OSBPL6: variants seen among roughly 807,000 people sequenced by gnomAD.
OSBPL6 encodes the protein oxysterol binding protein like 6.
Under a neutral mutation model 125.8 loss-of-function variants are expected in OSBPL6, and 49 were observed. The observed-to-expected ratio is 0.39, with a 90% CI of 0.31 to 0.49. The LOEUF is 0.49. OSBPL6 is among the 20% of genes least tolerant of loss of function. The probability of loss-of-function intolerance (pLI) is 0.88; values close to 1 mark genes in which losing one functional copy is unlikely to be tolerated. For synonymous variants in OSBPL6, 394 were observed against 391.8 expected (o/e 1.01, Z -0.07); for missense variants, 986 against 1,135.4 (o/e 0.87, Z 1.89).
intron 9 of OSBPL6, among the ~76,000 whole-genome samples, chr2:178,338,213 A>G (rs1392904222): frequency 1.3e-5 from 2 of 152,110 alleles, no homozygotes; most frequent in African/African-American, 4.8e-5. Flanking sequence ...GATTACAGGC[A>G]TGAGCCACCG....
intron 3 of OSBPL6, among the ~76,000 whole-genome samples, chr2:178,306,539 T>C (rs1413947612): frequency 6.6e-6 from 1 of 152,156 alleles, no homozygotes; most frequent in Non-Finnish European, 1.5e-5. Flanking sequence ...CTGCCGTCTT[T>C]TCCTCCCTGC....
At chr2:178,248,105 A>G (rs1559159516) in intron 1 of OSBPL6, among the ~76,000 whole-genome samples, 1 of 152,224 alleles carries the variant, frequency 6.6e-6, no homozygotes, top group Non-Finnish European at 1.5e-5. Flanking sequence ...TTGTAGATAC[A>G]AAACGAAGAT....
intron 15 of OSBPL6, among the ~76,000 whole-genome samples, chr2:178,380,455 T>C (rs1320785311): frequency 5.7e-4 from 11 of 19,456 alleles, no homozygotes; most frequent in African/African-American, 2.0e-3. Flanking sequence ...AGAGTCTGTC[T>C]CAAAAAAAAA....
intron 1 of OSBPL6, among the ~76,000 whole-genome samples, chr2:178,197,774 G>T (rs1199209035): frequency 6.6e-6 from 1 of 151,796 alleles, no homozygotes; most frequent in Non-Finnish European, 1.5e-5. Context: ...GGTAGATATT[G>T]TATTAAAAAA....
At chr2:178,361,853 C>T (rs1288960355) in intron 13 of OSBPL6, 38 bp downstream of exon 13, 1 of 1,609,334 alleles carries the variant, frequency 6.2e-7, no homozygotes, top group Non-Finnish European at 8.5e-7. Flanking sequence ...ACATGACACA[C>T]TCCCAACCCT....
intron 6 of OSBPL6, among the ~76,000 whole-genome samples, 166 bp downstream of exon 6, chr2:178,331,771 C>T (rs1055000003): frequency 1.3e-5 from 2 of 152,112 alleles, no homozygotes; most frequent in African/African-American, 4.8e-5. Flanking sequence ...AGTGTGTCAA[C>T]CTAGTGCATG....
intron 18 of OSBPL6, 71 bp from the exon 19 acceptor site, chr2:178,385,387 A>G (rs1156995646): frequency 2.8e-6 from 3 of 1,070,728 alleles, no homozygotes; most frequent in Non-Finnish European, 4.2e-6. Context: ...AGAATAATTC[A>G]GTAAGAGAAA....
At chr2:178,210,823 A>AAAC (rs1457176072) in intron 1 of OSBPL6, among the ~76,000 whole-genome samples, 2 of 145,438 alleles carry the variant, frequency 1.4e-5, no homozygotes, top group Admixed American at 6.8e-5. Flanking sequence ...AAAAAAAAAA[A>AAAC]ACACACACAC....
At chr2:178,326,659 A>AT (rs1386617141) in intron 4 of OSBPL6, among the ~76,000 whole-genome samples, 1 of 152,194 alleles carries the variant, frequency 6.6e-6, no homozygotes, top group Non-Finnish European at 1.5e-5. Flanking sequence ...TACACACTGT[A>AT]TTTGTAACAT....
chr2:178,214,284 T>TAAAG (rs1261214609), intron 1 of OSBPL6, among the ~76,000 whole-genome samples: 5 of 152,226 alleles, frequency 3.3e-5, no homozygotes, highest in Non-Finnish European at 7.3e-5. Flanking sequence ...GGCAATCCTG[T>TAAAG]AAAGGCCTTA....
At chr2:178,218,054 T>G (rs937277592) in intron 1 of OSBPL6, among the ~76,000 whole-genome samples, 5 of 152,184 alleles carry the variant, frequency 3.3e-5, no homozygotes, top group African/African-American at 1.2e-4. Flanking sequence ...TTCTGAGAGT[T>G]TACCTGTAAG....
At chr2:178,303,006 A>G (rs2154056422) in intron 2 of OSBPL6, among the ~76,000 whole-genome samples, 1 of 152,304 alleles carries the variant, frequency 6.6e-6, no homozygotes, top group South Asian at 2.1e-4. Flanking sequence ...GGACCAGAAA[A>G]CTAAGTACTT....
chr2:178,255,607 T>G (rs1308884126), intron 1 of OSBPL6, among the ~76,000 whole-genome samples: 1 of 152,266 alleles, frequency 6.6e-6, no homozygotes, highest in Non-Finnish European at 1.5e-5. Context: ...TTTTTCTCCA[T>G]TGATTCAGCC....
intron 3 of OSBPL6, among the ~76,000 whole-genome samples, chr2:178,307,164 A>G (rs906843093): frequency 1.3e-5 from 2 of 151,778 alleles, no homozygotes; most frequent in African/African-American, 4.8e-5. Flanking sequence ...CCCCTGTTTT[A>G]TGTTTTCAGA....
chr2:178,267,141 G>A (rs1429503263), intron 1 of OSBPL6, among the ~76,000 whole-genome samples: 1 of 152,072 alleles, frequency 6.6e-6, no homozygotes, highest in Non-Finnish European at 1.5e-5. Flanking sequence ...GTCACCTGGG[G>A]TCAGGAGTTC....
At chr2:178,279,008 A>C (rs1298992508) in intron 1 of OSBPL6, among the ~76,000 whole-genome samples, 3 of 152,228 alleles carry the variant, frequency 2.0e-5, no homozygotes, top group Non-Finnish European at 4.4e-5. Context: ...CATGGCCCAC[A>C]TATGTGAGAA....
chr2:178,387,848 C>T (rs1695077376), intron 20 of OSBPL6, among the ~76,000 whole-genome samples: 1 of 151,764 alleles, frequency 6.6e-6, no homozygotes. Flanking sequence ...ACTAAAAATA[C>T]AAAAAATTAG....
chr2:178,344,298 G>A lies in OSBPL6; in HGVS notation c.987+4534G>A, dbSNP rs754170162. 23 of 1,614,026 alleles carry A rather than the reference G, an allele frequency of 1.4e-5. No individual in the cohort carries two copies. In the East Asian group the frequency reaches 2.9e-4, roughly 20 times the overall value. On this transcript the variant is annotated intron_variant, in intron 11 of 24. Coordinates refer to ENST00000190611, the MANE Select transcript of OSBPL6 (RefSeq NM_032523.4). ...CATTCACCGTCAGGAAGGGCCACCC[G>A]CGAAGGGCCAGTTCAGCACAACTCG...
At position 178,395,510 on chromosome 2, in the gene OSBPL6, T is replaced by G; in HGVS notation, c.2756T>G (p.Leu919Arg). Reference sequence around the variant, plus strand: ...GTTTCTAACGACACCTACTGGGAGCTTCGAAAGGACCCTGGGTTTAGCAAA... The same window carrying G: ...GTTTCTAACGACACCTACTGGGAGCGTCGAAAGGACCCTGGGTTTAGCAAA... ...AWVSNDTYWE[L>R]RKDPGFSKVD... The change falls in exon 25 of 25, where the codon CTT becomes CGT. Residue 919 changes from leucine to arginine, a missense_variant. Transcript: ENST00000190611. 6.2e-7 allele frequency: 1 copy of G among 1,613,806 alleles called. No homozygotes were observed. The highest frequency in any genetic ancestry group is 1.1e-5 in the South Asian group (1 of 91,078).
Sources: gnomAD v4.1 joint callset for allele counts (sites outside exome capture counted in the v4.1 genomes callset) on GRCh38, gnomAD v4.1.1 for gene constraint, MANE v1.5 for transcripts, NCBI Gene and HGNC (gene_info 2026-07-23, HGNC 2026-07-21) for gene names.